SRBD1: variants seen among roughly 807,000 people sequenced by gnomAD.
SRBD1 encodes the protein S1 RNA-binding domain-containing protein 1.
Under a neutral mutation model 115.3 loss-of-function variants are expected in SRBD1, and 88 were observed. The ratio of observed to expected loss-of-function variants is 0.76; its 90% CI spans 0.64 to 0.91. SRBD1 has a LOEUF of 0.91. Among genes scored for constraint, SRBD1 ranks in the 40% least tolerant of loss-of-function variants. The pLI, the probability that SRBD1 is intolerant of heterozygous loss-of-function variation, is 0.00. For missense variants in SRBD1, 1,385 were observed against 1,177.4 expected, an observed-to-expected ratio of 1.18 and a Z score of -2.58; for synonymous variants, 509 against 407.7, an observed-to-expected ratio of 1.25 and a Z score of -2.99.
At chr2:45,428,393 A>T (rs1246999560) in intron 16 of SRBD1, among the ~76,000 whole-genome samples, 1 of 152,092 alleles carries the variant, frequency 6.6e-6, no homozygotes, top group Non-Finnish European at 1.5e-5. Flanking sequence ...TACTAAAAAG[A>T]CAAAAAAGTT....
chr2:45,532,219 G>A (rs1267297942), intron 14 of SRBD1, among the ~76,000 whole-genome samples: 1 of 151,732 alleles, frequency 6.6e-6, no homozygotes, highest in Non-Finnish European at 1.5e-5. Context: ...TAAAACAACT[G>A]CTTTAAATTT....
At chr2:45,412,054 C>T (rs1406638272) in intron 19 of SRBD1, among the ~76,000 whole-genome samples, 7 of 151,132 alleles carry the variant, frequency 4.6e-5, no homozygotes, top group South Asian at 2.1e-4. Context: ...CAGAGGTTGC[C>T]GAGATCACAC....
chr2:45,512,673 T>G (rs769787564), intron 14 of SRBD1, among the ~76,000 whole-genome samples: 38 of 152,132 alleles, frequency 2.5e-4, no homozygotes, highest in Non-Finnish European at 2.1e-4. Flanking sequence ...CAAAATCCAT[T>G]TTAAATGCAA....
intron 4 of SRBD1, among the ~76,000 whole-genome samples, chr2:45,597,150 G>A (rs1342246705): frequency 1.3e-5 from 2 of 152,198 alleles, no homozygotes; most frequent in Admixed American, 6.5e-5. Context: ...GCTGAGTGCG[G>A]TGGCTTACAC....
chr2:45,601,992 C>T lies in SRBD1; in HGVS notation c.172G>A (p.Glu58Lys), dbSNP rs554578158. ...PRSRKQPPPK[E>K]SKPKRMPRVK... is the part of the protein sequence containing the mutation. ...CGAGGCATCCTCTTTGGTTTGGATTCCTTGGGAGGGGGCTGTTTACGGCTT... is the reference window on the plus strand; with the variant it reads ...CGAGGCATCCTCTTTGGTTTGGATTTCTTGGGAGGGGGCTGTTTACGGCTT... Residue 58 changes from glutamate to lysine, a missense_variant, in exon 3 of 21, where the codon GAA becomes AAA. By Grantham distance (56) the Glu-to-Lys change is moderately conservative. Coordinates refer to ENST00000263736, the MANE Select transcript of SRBD1 (RefSeq NM_018079.5). 1.5e-4 allele frequency: 239 copies of T among 1,614,188 alleles called. 2 individuals are homozygous for T. In the South Asian group the frequency reaches 2.5e-3, roughly 17 times the overall value.
intron 14 of SRBD1, among the ~76,000 whole-genome samples, chr2:45,511,679 A>C (rs919457790): frequency 6.6e-6 from 1 of 152,222 alleles, no homozygotes; most frequent in African/African-American, 2.4e-5. Context: ...ATTCAATGGT[A>C]TATATTCCCA....
rs777505062 is a variant in SRBD1, at chr2:45,531,131, C to G, written c.1874+15601G>C. On this transcript the variant is annotated intron_variant, in intron 14 of 20. Coordinates refer to ENST00000263736, the MANE Select transcript of SRBD1 (RefSeq NM_018079.5). ...GGTTACAGTCTGTCTCAAATATCTG[C>G]TTTCCTTGAAAAGAAAAGGTCACTA... Among the ~76,000 whole-genome samples the G allele has an allele frequency of 6.6e-5, 10 of 151,784 alleles. 1 individual carries two copies. The highest frequency in any genetic ancestry group is 1.5e-4 in the Non-Finnish European group (10 of 67,876).
At chr2:45,477,806 AG>A (rs1490356903) in intron 15 of SRBD1, among the ~76,000 whole-genome samples, 1 of 152,178 alleles carries the variant, frequency 6.6e-6, no homozygotes, top group African/African-American at 2.4e-5. Context: ...TGCCCTGGCA[AG>A]TGATCCTCCT....
intron 1 of SRBD1, among the ~76,000 whole-genome samples, chr2:45,609,424 C>G (rs1456074882): frequency 2.0e-5 from 3 of 152,194 alleles, no homozygotes; most frequent in African/African-American, 7.2e-5. Flanking sequence ...CTTAACTGCC[C>G]TCCCTACTTC....
chr2:45,459,411 C>G (rs115833962), intron 16 of SRBD1, among the ~76,000 whole-genome samples: 240 of 152,222 alleles, frequency 1.6e-3, no homozygotes, highest in Non-Finnish European at 2.8e-3. Context: ...GAAGCTTTCC[C>G]CATTGGCTGC....
At position 45,562,728 on chromosome 2, in the gene SRBD1, A is replaced by G. The variant is rs780762035; in HGVS notation, c.1334T>C (p.Leu445Ser). 2 of 1,609,984 alleles carry G rather than the reference A, an allele frequency of 1.2e-6. No individual in the cohort carries two copies. Among genetic ancestry groups the G allele is most frequent in the Admixed American group, 3.4e-5 (2 of 58,654 alleles). The change falls in exon 10 of 21, where the codon TTG (leucine) becomes TCG (serine). Residue 445 changes from leucine (L) to serine (S), a missense_variant. By Grantham distance (145) the Leu-to-Ser change is moderately radical (BLOSUM62 -2). Coordinates refer to ENST00000263736, the MANE Select transcript of SRBD1 (RefSeq NM_018079.5). ...QILAINRGEN[L>S]KVLTVKVNIS... is the part of the protein sequence containing the mutation. The stretch of plus-strand genomic sequence containing the variant: ...ATTGACCTTAACCGTCAGTACCTTC[A>G]AATTTTCTCCACGGTTAATTGCCAG...
At chr2:45,443,759 C>T (rs1668739322) in intron 16 of SRBD1, among the ~76,000 whole-genome samples, 1 of 138,468 alleles carries the variant, frequency 7.2e-6, no homozygotes. Flanking sequence ...AAAAACAAAA[C>T]AACTCTTTTG....
At chr2:45,414,442 T>G (rs960296944) in intron 18 of SRBD1, among the ~76,000 whole-genome samples, 2 of 143,762 alleles carry the variant, frequency 1.4e-5, no homozygotes, top group Middle Eastern at 3.3e-3. Context: ...ATACACTATA[T>G]AGTATATATG....
chr2:45,593,572 G>A (rs1386093171), intron 4 of SRBD1, among the ~76,000 whole-genome samples: 1 of 152,118 alleles, frequency 6.6e-6, no homozygotes, highest in Non-Finnish European at 1.5e-5. Flanking sequence ...CAGTTAAAAA[G>A]AAAACATCTT....
At chr2:45,445,734 T>C (rs1668804369) in intron 16 of SRBD1, among the ~76,000 whole-genome samples, 1 of 152,104 alleles carries the variant, frequency 6.6e-6, no homozygotes, top group African/African-American at 2.4e-5. Flanking sequence ...CTAAGAGTCA[T>C]ATATACTTTT....
At chr2:45,538,241 T>C (rs1404197402) in intron 14 of SRBD1, among the ~76,000 whole-genome samples, 4 of 152,122 alleles carry the variant, frequency 2.6e-5, no homozygotes, top group African/African-American at 9.7e-5. Context: ...AAAGGAAGCA[T>C]CAGCAATTGT....
rs59451865 is a variant in SRBD1 at position 45,445,550 on chromosome 2, T to TAAAAAAA, written c.2050-25663_2050-25657dup. 1.2e-3 allele frequency among the ~76,000 whole-genome samples: 45 copies of TAAAAAAA among 37,034 alleles called. 1 individual carries two copies. The highest frequency in any genetic ancestry group is 1.6e-3 in the Non-Finnish European group (26 of 16,084). 24.3% of individuals were successfully genotyped at this position (37,034 alleles called of 152,430 possible). On this transcript the variant is annotated intron_variant, in intron 16 of 20. Coordinates refer to ENST00000263736, the MANE Select transcript of SRBD1 (RefSeq NM_018079.5). ...CACAGAAGCAATATCTTCCCAGAGG[T>TAAAAAAA]AAAAAAAAAAAAAAAAAAAAAAAAA...
At chr2:45,429,096 G>T (rs1315323787) in intron 16 of SRBD1, among the ~76,000 whole-genome samples, 2 of 152,068 alleles carry the variant, frequency 1.3e-5, no homozygotes, top group Admixed American at 6.5e-5. Flanking sequence ...GACTACACCA[G>T]GAAAAAGTCG....
chr2:45,580,576 A>C lies in SRBD1; in HGVS notation c.934-563T>G, dbSNP rs112154404. On this transcript the variant is annotated intron_variant, in intron 6 of 20. Coordinates refer to ENST00000263736, the MANE Select transcript of SRBD1 (RefSeq NM_018079.5). ...GGGTTTCACCATGTTGGCCAGGGTG[A>C]TCTTGATCTCTTGGTCTCGTGATCT... 7.9e-3 allele frequency among the ~76,000 whole-genome samples: 971 copies of C among 122,632 alleles called. 11 individuals carry two copies. Among genetic ancestry groups the C allele is most frequent in the African/African-American group, 0.029 (920 of 31,642 alleles). 80.5% of individuals were successfully genotyped at this position (122,632 alleles called of 152,430 possible).
Sources: gnomAD v4.1 joint callset for allele counts (sites outside exome capture counted in the v4.1 genomes callset) on GRCh38, gnomAD v4.1.1 for gene constraint, MANE v1.5 for transcripts, NCBI Gene and HGNC (gene_info 2026-07-23, HGNC 2026-07-21) for gene names.